Variants in GAS6 observed in about 807,000 individuals in gnomAD.
The protein encoded by GAS6 is growth arrest specific 6.
In GAS6, 41 loss-of-function variants were observed where a neutral mutation model predicts 75.8. The ratio of observed to expected loss-of-function variants is 0.54; its 90% CI spans 0.42 to 0.70. GAS6 has a LOEUF of 0.70. Among genes scored for constraint, GAS6 ranks in the 30% least tolerant of loss-of-function variants. The pLI is 0.00. For synonymous variants in GAS6, 432 were observed against 412.6 expected (o/e 1.05, Z -0.57); for missense variants, 854 against 940.2 (o/e 0.91, Z 1.20).
At position 113,845,958 on chromosome 13, in the gene GAS6, G is replaced by T. The variant is rs571228187; in HGVS notation, c.343+569C>A. Among the ~76,000 whole-genome samples, 2 of 152,256 alleles carry T rather than the reference G, an allele frequency of 1.3e-5. No homozygotes were observed. Among genetic ancestry groups the T allele is most frequent in the Non-Finnish European group, 2.9e-5 (2 of 68,044 alleles). ...GAACGCATCCCGCAGACACTCAGAC[G>T]TGTGGGAGGCAACAGGTGCATGAGG... On this transcript the variant is annotated intron_variant, in intron 4 of 14. Coordinates refer to ENST00000327773, the MANE Select transcript of GAS6 (RefSeq NM_000820.4). The surrounding 1 kb of genome is among the most constrained non-coding windows in gnomAD (Gnocchi z 4.3).
intron 13 of GAS6, 82 bp from the exon 14 acceptor site, chr13:113,822,268 T>C: frequency 1.8e-6 from 2 of 1,094,304 alleles, no homozygotes; most frequent in African/African-American, 1.6e-5. Flanking sequence ...TCACAGCTGC[T>C]GGCCACCCCT....
Position 113,820,745 on chromosome 13 carries a change from C to A in GAS6, c.*119G>T. 1 of 1,157,214 alleles carries A rather than the reference C, an allele frequency of 8.6e-7. No homozygotes were observed. The highest frequency in any genetic ancestry group is 1.5e-5 in the South Asian group (1 of 64,984). 71.7% of individuals were successfully genotyped at this position (1,157,214 alleles called of 1,614,324 possible). On this transcript the variant is annotated 3_prime_UTR_variant, in exon 15 of 15. Coordinates refer to ENST00000327773, the MANE Select transcript of GAS6 (RefSeq NM_000820.4). ...TCACTATTTACAGATATGTTACAGGCCGGGATGGTCACAGAGGAAAGCCCA... is the reference window on the plus strand; with the variant it reads ...TCACTATTTACAGATATGTTACAGGACGGGATGGTCACAGAGGAAAGCCCA...
intron 2 of GAS6, among the ~76,000 whole-genome samples, chr13:113,857,894 T>G: frequency 6.6e-6 from 1 of 151,862 alleles, no homozygotes; most frequent in East Asian, 1.9e-4. Context: ...GACGCCCGGG[T>G]GAAAACAAGC....
chr13:113,832,546 C>A lies in GAS6; in HGVS notation c.954-58G>T. ...GGGCACAGGCAGATGCCCGGCCCCTCCCTGCTGGCCGAACCCTGGCCCGGG... is the reference window on the plus strand; with the variant it reads ...GGGCACAGGCAGATGCCCGGCCCCTACCTGCTGGCCGAACCCTGGCCCGGG... On this transcript the variant is annotated intron_variant, in intron 9 of 14. Coordinates refer to ENST00000327773, the MANE Select transcript of GAS6 (RefSeq NM_000820.4). 1.9e-6 allele frequency: 3 copies of A among 1,597,010 alleles called. No homozygotes were observed. The East Asian group carries it at 6.7e-5, about 36-fold the overall frequency.
At chr13:113,852,081 G>C (rs181885120) in intron 2 of GAS6, among the ~76,000 whole-genome samples, 61 of 152,348 alleles carry the variant, frequency 4.0e-4, no homozygotes, top group African/African-American at 1.3e-3. Flanking sequence ...GCAGGTGCTC[G>C]GCCTGTGCTC....
At chr13:113,823,587 C>T (rs755159941) in intron 12 of GAS6, 37 bp from the exon 13 acceptor site, 34 of 1,570,742 alleles carry the variant, frequency 2.2e-5, no homozygotes, top group Admixed American at 5.2e-5. Context: ...GTGGTATGCA[C>T]GGTGGAGAGG....
rs188666477 is a variant in GAS6, at chr13:113,844,581, T to G, written c.343+1946A>C. 6.6e-6 allele frequency: 1 copy of G among 150,618 alleles called. No homozygotes were observed. The highest frequency in any genetic ancestry group is 1.5e-5 in the Non-Finnish European group (1 of 68,024). The allele number at this position is 150,618 out of a possible 1,614,324, so 9.3% of individuals were successfully genotyped here. A position where few individuals can be genotyped will look rare whatever the true frequency, so the allele number is the denominator to read the frequency against. Reference sequence around the variant, plus strand: ...TGAATGGCAAGCCCAGTTAAAAATATCTAAAGGGCTTTTTTAGGTTTTTAA... The same window carrying G: ...TGAATGGCAAGCCCAGTTAAAAATAGCTAAAGGGCTTTTTTAGGTTTTTAA... On this transcript the variant is annotated intron_variant, in intron 4 of 14. Coordinates refer to ENST00000327773, the MANE Select transcript of GAS6 (RefSeq NM_000820.4). This position sits in a 1 kb window ranked among gnomAD's most constrained non-coding sequence, Gnocchi z 5.7.
chr13:113,840,781 T>A, intron 4 of GAS6: 1 of 152,116 alleles, frequency 6.6e-6, no homozygotes, highest in East Asian at 1.9e-4. Context: ...CGGTCCACAC[T>A]CAGCTCAGCC....
chr13:113,833,204 C>T, intron 8 of GAS6: 1 of 1,105,408 alleles, frequency 9.0e-7, no homozygotes, highest in South Asian at 2.4e-5. Flanking sequence ...AGCTGACACC[C>T]CTGGAAGATG....
chr13:113,828,226 T>A (rs914578136), intron 11 of GAS6, among the ~76,000 whole-genome samples: 3 of 152,140 alleles, frequency 2.0e-5, no homozygotes, highest in Admixed American at 2.0e-4. Context: ...ATCGCGCCAC[T>A]GCACTCCAGC....
At chr13:113,834,001 GACAC>G (rs2051665550) in intron 8 of GAS6, among the ~76,000 whole-genome samples, 2 of 149,160 alleles carry the variant, frequency 1.3e-5, no homozygotes. Context: ...CGGTGTGACA[GACAC>G]CAGTGTGACA....
chr13:113,863,985 C>T lies in GAS6; in HGVS notation c.-65G>A. 2.9e-6 allele frequency: 3 copies of T among 1,022,728 alleles called. No homozygotes were observed. The highest frequency in any genetic ancestry group is 3.5e-6 in the Non-Finnish European group (3 of 856,866). The allele number at this position is 1,022,728 out of a possible 1,614,324, so 63.4% of individuals were successfully genotyped here. ...GAGGCGAGCCGCGGGCGCCGCGGGG[C>T]GGAGGCTCCGGTCATCCCGTCCTGG... On this transcript the variant is annotated 5_prime_UTR_variant, in exon 1 of 15. Coordinates refer to ENST00000327773, the MANE Select transcript of GAS6 (RefSeq NM_000820.4). This position sits in a 1 kb window ranked among gnomAD's most constrained non-coding sequence, Gnocchi z 9.4.
At chr13:113,851,320 T>C (rs1473795112) in intron 2 of GAS6, among the ~76,000 whole-genome samples, 1 of 150,294 alleles carries the variant, frequency 6.7e-6, no homozygotes, top group East Asian at 2.0e-4. Context: ...GCCAGATGAG[T>C]GAATGAATGA....
At chr13:113,834,498 G>A in intron 8 of GAS6, 53 bp downstream of exon 8, 1 of 1,440,252 alleles carries the variant, frequency 6.9e-7, no homozygotes, top group South Asian at 1.5e-5. Context: ...GCCCCCACCG[G>A]CGAGGGCCCC....
chr13:113,832,281 T>C lies in GAS6; in HGVS notation c.1143+18A>G, dbSNP rs185797569. 333 of 1,594,046 alleles carry C rather than the reference T, an allele frequency of 2.1e-4. No homozygotes were observed. In the African/African-American group the frequency reaches 4.0e-3, roughly 19 times the overall value. On this transcript the variant is annotated intron_variant, in intron 10 of 14. Coordinates refer to ENST00000327773, the MANE Select transcript of GAS6 (RefSeq NM_000820.4). ...AGAACCCCGTGAGGCCTGGAAGGGGTGGCTGCCGCACACTCACTGTCTGCC... is the reference window on the plus strand; with the variant it reads ...AGAACCCCGTGAGGCCTGGAAGGGGCGGCTGCCGCACACTCACTGTCTGCC...
At chr13:113,850,365 C>T (rs1191190861) in intron 2 of GAS6, among the ~76,000 whole-genome samples, 1 of 152,078 alleles carries the variant, frequency 6.6e-6, no homozygotes, top group East Asian at 1.9e-4. Flanking sequence ...CTTATGTACA[C>T]ACTGACTCTC....
rs2051994103 is a variant in GAS6 at position 113,863,837 on chromosome 13, C to G, written c.84G>C (p.Ala28=). ...LLLLLLAAEC[A]LAALLPAREA... ...TCTCGGGCCCGCGGGACTCACCAAG[C>G]GCGCACTCCGCGGCCAGCAGCAGCA... The change falls in exon 1 of 15, where the codon GCG becomes GCC. Residue 28 remains alanine, a synonymous_variant. Coordinates refer to ENST00000327773, the MANE Select transcript of GAS6 (RefSeq NM_000820.4). This position sits in a 1 kb window ranked among gnomAD's most constrained non-coding sequence, Gnocchi z 9.4. The G allele has an allele frequency of 2.3e-6, 3 of 1,299,570 alleles. 1 individual carries two copies. The South Asian group carries it at 7.0e-5, about 30-fold the overall frequency. The allele number at this position is 1,299,570 out of a possible 1,614,324, so 80.5% of individuals were successfully genotyped here. A position where few individuals can be genotyped will look rare whatever the true frequency, so the allele number is the denominator to read the frequency against.
intron 2 of GAS6, among the ~76,000 whole-genome samples, chr13:113,858,105 GC>G (rs1386876537): frequency 6.6e-6 from 1 of 152,246 alleles, no homozygotes; most frequent in Non-Finnish European, 1.5e-5. Flanking sequence ...GGGCCACAGA[GC>G]CCCGTGACCT....
In GAS6 at chr13:113,835,505, G is replaced by A. The variant is rs1181553272; in HGVS notation, c.712+8C>T. On this transcript the variant is annotated splice_region_variant and intron_variant, in intron 7 of 14. Coordinates refer to ENST00000327773, the MANE Select transcript of GAS6 (RefSeq NM_000820.4). ...GAGAAAGCGAGGGTGACCGCGTGGC[G>A]TGGGTACCTCGGCAAGCCTTCTCCT... is the stretch of plus-strand genomic sequence containing the variant. 14 of 1,612,012 alleles carry A rather than the reference G, an allele frequency of 8.7e-6. No homozygotes were observed. Among genetic ancestry groups the A allele is most frequent in the East Asian group, 2.2e-5 (1 of 44,876 alleles).
Sources: allele counts gnomAD v4.1 joint callset (sites outside exome capture counted in the v4.1 genomes callset), GRCh38; gene constraint gnomAD v4.1.1; non-coding constraint Gnocchi (gnomAD v3.1); transcripts MANE v1.5; gene names NCBI Gene and HGNC (gene_info 2026-07-23, HGNC 2026-07-21).